Variants in FRMD4B observed in about 807,000 individuals in gnomAD.
The protein encoded by FRMD4B is FERM domain containing 4B.
In FRMD4B, 74 loss-of-function variants were observed where a neutral mutation model predicts 141.5. That is an observed-to-expected ratio of 0.52 (90% CI 0.43 to 0.63). The LOEUF (loss-of-function observed/expected upper bound fraction) is 0.63, where lower values mean the gene tolerates loss of function less well. FRMD4B is among the 30% of genes least tolerant of loss of function. The probability of loss-of-function intolerance (pLI) is 0.00; values close to 1 mark genes in which losing one functional copy is unlikely to be tolerated. For synonymous variants in FRMD4B, 506 were observed against 467.9 expected, an observed-to-expected ratio of 1.08 and a Z score of -1.05; for missense variants, 1,366 against 1,253.4, an observed-to-expected ratio of 1.09 and a Z score of -1.36.
intron 5 of FRMD4B, among the ~76,000 whole-genome samples, chr3:69,262,733 T>G (rs974691112): frequency 6.6e-6 from 1 of 151,770 alleles, no homozygotes; most frequent in South Asian, 2.1e-4. Context: ...GTGCTGGGAT[T>G]ACAGGCGTGA....
chr3:69,194,902 C>A (rs536757979), intron 16 of FRMD4B, 120 bp downstream of exon 16: 71 of 850,186 alleles, frequency 8.4e-5, no homozygotes, highest in Non-Finnish European at 5.6e-5. Context: ...CTACACGATC[C>A]ATCTGTACTG....
Position 69,169,330 on chromosome 3 carries a change from G to A in FRMD4B, c.*2531C>T, listed in dbSNP as rs1221777679. On this transcript the variant is annotated 3_prime_UTR_variant, in exon 23 of 23. Transcript: ENST00000398540. ...AGAGACGAAGAAAACCGTGCAGTAG[G>A]ATTGCTGAACTTCCATTTCTTTCTT... is the stretch of plus-strand genomic sequence containing the variant. Among the ~76,000 whole-genome samples, 3 of 147,186 alleles carry A rather than the reference G, an allele frequency of 2.0e-5. No individual in the cohort carries two copies. Among genetic ancestry groups the A allele is most frequent in the Non-Finnish European group, 3.0e-5 (2 of 67,330 alleles).
chr3:69,274,308 T>C (rs2106949076), intron 5 of FRMD4B, among the ~76,000 whole-genome samples: 1 of 152,274 alleles, frequency 6.6e-6, no homozygotes, highest in East Asian at 1.9e-4. Context: ...ATTTCCACTT[T>C]AAAGTTGATG....
exon 1 of FRMD4B, chr3:69,542,222 T>C (rs1701198462): frequency 6.6e-6 from 1 of 151,720 alleles, no homozygotes; most frequent in Admixed American, 6.6e-5. Context: ...CGCCACCTCC[T>C]CCCTGCGGCG....
intron 1 of FRMD4B, among the ~76,000 whole-genome samples, chr3:69,459,673 C>T (rs543583948): frequency 6.0e-4 from 92 of 152,298 alleles, no homozygotes; most frequent in African/African-American, 2.1e-3. Flanking sequence ...CCAATCCCTG[C>T]CTCGGTTTTC....
chr3:69,298,562 C>T lies in FRMD4B; in HGVS notation c.416+3781G>A, dbSNP rs376450986. ...CAACCCCATGCCAACTCCTACTCAC[C>T]TCCCTTTTATAGGTTCTCTCCAGAT... On this transcript the variant is annotated intron_variant, in intron 4 of 22. Coordinates refer to ENST00000398540, the MANE Select transcript of FRMD4B (RefSeq NM_015123.3). 3.2e-4 allele frequency among the ~76,000 whole-genome samples: 49 copies of T among 152,338 alleles called. No individual in the cohort carries two copies. The East Asian group carries it at 9.3e-3, about 29-fold the overall frequency.
intron 2 of FRMD4B, among the ~76,000 whole-genome samples, chr3:69,422,935 G>A (rs887908486): frequency 2.0e-5 from 3 of 152,180 alleles, no homozygotes; most frequent in African/African-American, 7.2e-5. Context: ...GTAGGGCAGG[G>A]ATTGCTGAGC....
At chr3:69,367,708 A>T (rs1351073834) in intron 1 of FRMD4B, among the ~76,000 whole-genome samples, 4 of 152,204 alleles carry the variant, frequency 2.6e-5, no homozygotes, top group African/African-American at 9.6e-5. Context: ...AGGTACTGTC[A>T]TTTAATGAAC....
rs148109799 is a variant in FRMD4B, at chr3:69,194,889, G to T, written c.1488+133C>A. 361 of 711,948 alleles carry T rather than the reference G, an allele frequency of 5.1e-4. 4 individuals carry two copies. In the East Asian group the frequency reaches 8.4e-3, roughly 17 times the overall value. 44.1% of individuals were successfully genotyped at this position (711,948 alleles called of 1,614,324 possible). A position where few individuals can be genotyped will look rare whatever the true frequency, so the allele number is the denominator to read the frequency against. On this transcript the variant is annotated intron_variant, in intron 16 of 22. Coordinates refer to ENST00000398540, the MANE Select transcript of FRMD4B (RefSeq NM_015123.3). ...GGGCATGAAAGAAAGAGTTCAATTT[G>T]GTCTACACGATCCATCTGTACTGGT...
At chr3:69,284,637 C>T (rs951723501) in intron 5 of FRMD4B, among the ~76,000 whole-genome samples, 2 of 152,004 alleles carry the variant, frequency 1.3e-5, no homozygotes, top group African/African-American at 2.4e-5. Context: ...CAAAAAGATA[C>T]AATTAATAAT....
chr3:69,390,657 C>T (rs955160243), upstream of FRMD4B, among the ~76,000 whole-genome samples: 3 of 152,068 alleles, frequency 2.0e-5, no homozygotes. Context: ...CTTTGGGAGG[C>T]CAAGGCTGGC....
chr3:69,184,011 T>G (rs2092738875), intron 19 of FRMD4B, among the ~76,000 whole-genome samples: 1 of 152,126 alleles, frequency 6.6e-6, no homozygotes, highest in South Asian at 2.1e-4. Flanking sequence ...TCCTCCCACC[T>G]CAGCCTCCCA....
At chr3:69,520,058 T>C (rs1340565638) in intron 1 of FRMD4B, among the ~76,000 whole-genome samples, 1 of 119,608 alleles carries the variant, frequency 8.4e-6, no homozygotes, top group Non-Finnish European at 1.7e-5. Flanking sequence ...TCCATATATA[T>C]ATATGATGGA....
intron 1 of FRMD4B, among the ~76,000 whole-genome samples, chr3:69,470,214 T>G (rs748674611): frequency 1.1e-4 from 17 of 152,232 alleles, no homozygotes; most frequent in African/African-American, 4.1e-4. Context: ...CAGTCCATTA[T>G]GGAAATCATA....
intron 4 of FRMD4B, among the ~76,000 whole-genome samples, chr3:69,300,066 T>C (rs937369090): frequency 1.3e-5 from 2 of 152,156 alleles, no homozygotes; most frequent in South Asian, 4.1e-4. Flanking sequence ...TTACCAATAG[T>C]TCTGTTTTCT....
At chr3:69,519,685 T>C (rs1331501524) in intron 1 of FRMD4B, among the ~76,000 whole-genome samples, 2 of 152,106 alleles carry the variant, frequency 1.3e-5, no homozygotes, top group African/African-American at 4.8e-5. Context: ...CAGTTGGTAG[T>C]TGGTTACATG....
chr3:69,516,138 T>C (rs1412560265), intron 1 of FRMD4B, among the ~76,000 whole-genome samples: 1 of 152,094 alleles, frequency 6.6e-6, no homozygotes, highest in Non-Finnish European at 1.5e-5. Flanking sequence ...GGCAGGAAGA[T>C]TGCTTCAACC....
chr3:69,317,624 G>A (rs1377538524), intron 1 of FRMD4B, among the ~76,000 whole-genome samples: 2 of 151,766 alleles, frequency 1.3e-5, no homozygotes, highest in African/African-American at 4.8e-5. Flanking sequence ...GTGTGGTGGT[G>A]TGCATCTGTA....
At chr3:69,344,927 G>A (rs770979691) in intron 1 of FRMD4B, among the ~76,000 whole-genome samples, 1 of 152,130 alleles carries the variant, frequency 6.6e-6, no homozygotes, top group Non-Finnish European at 1.5e-5. Context: ...GAAGATGGGT[G>A]ATTTCTGCAT....
Sources: allele counts gnomAD v4.1 joint callset (sites outside exome capture counted in the v4.1 genomes callset), GRCh38; gene constraint gnomAD v4.1.1; transcripts MANE v1.5; gene names NCBI Gene and HGNC (gene_info 2026-07-23, HGNC 2026-07-21).